The following SLC39A11 variants were observed in gnomAD, a reference collection of about 807,000 sequenced individuals.
The protein encoded by SLC39A11 is solute carrier family 39 member 11.
Under a neutral mutation model 36.1 loss-of-function variants are expected in SLC39A11, and 33 were observed. The ratio of observed to expected loss-of-function variants is 0.91; its 90% CI spans 0.69 to 1.22. The LOEUF (loss-of-function observed/expected upper bound fraction) is 1.22, where lower values mean the gene tolerates loss of function less well. SLC39A11 is among the 50% of genes most tolerant of loss of function. The probability of loss-of-function intolerance (pLI) is 0.00; values close to 1 mark genes in which losing one functional copy is unlikely to be tolerated. For synonymous variants in SLC39A11, 166 were observed against 170.3 expected, an observed-to-expected ratio of 0.97 and a Z score of 0.20; for missense variants, 432 against 430.3, an observed-to-expected ratio of 1.00 and a Z score of -0.03.
intron 5 of SLC39A11, among the ~76,000 whole-genome samples, chr17:72,919,585 T>C (rs1475464297): frequency 7.0e-6 from 1 of 142,068 alleles, no homozygotes; most frequent in Non-Finnish European, 1.5e-5. Flanking sequence ...GGCAGGAGAA[T>C]GGCGAGAACC....
chr17:72,988,195 G>A (rs998919655), intron 4 of SLC39A11, among the ~76,000 whole-genome samples: 1 of 152,228 alleles, frequency 6.6e-6, no homozygotes, highest in Middle Eastern at 3.2e-3. Flanking sequence ...GCTCACGCCT[G>A]TAATCCCAAC....
intron 7 of SLC39A11, among the ~76,000 whole-genome samples, chr17:72,736,101 A>G (rs1379989075): frequency 6.6e-6 from 1 of 152,204 alleles, no homozygotes; most frequent in African/African-American, 2.4e-5. Context: ...ACACATGGAA[A>G]ATAAAGTCAC....
intron 4 of SLC39A11, among the ~76,000 whole-genome samples, chr17:72,980,447 G>A (rs550482624): frequency 4.6e-5 from 7 of 152,220 alleles, no homozygotes; most frequent in African/African-American, 1.4e-4. Flanking sequence ...AGGCAGAAAC[G>A]CTCATCGTCA....
chr17:72,813,201 C>A (rs1174871502), intron 6 of SLC39A11, among the ~76,000 whole-genome samples: 1 of 152,186 alleles, frequency 6.6e-6, no homozygotes, highest in Admixed American at 6.5e-5. Flanking sequence ...TGAAAAACTT[C>A]TTCATATGCT....
intron 5 of SLC39A11, among the ~76,000 whole-genome samples, chr17:72,899,033 G>A (rs993593017): frequency 1.6e-4 from 18 of 114,888 alleles, no homozygotes; most frequent in Non-Finnish European, 2.2e-4. Flanking sequence ...TAATTCGGCT[G>A]CACTCTCCTA....
chr17:72,830,101 A>C (rs923645085), intron 6 of SLC39A11, among the ~76,000 whole-genome samples: 2 of 152,214 alleles, frequency 1.3e-5, no homozygotes, highest in Non-Finnish European at 2.9e-5. Context: ...AGACATGCAC[A>C]CATGCATACA....
chr17:72,821,374 T>C (rs183897682), intron 6 of SLC39A11, among the ~76,000 whole-genome samples: 4 of 150,038 alleles, frequency 2.7e-5, no homozygotes, highest in Non-Finnish European at 6.0e-5. Flanking sequence ...GGCATGGTGA[T>C]GCACACCTGT....
At chr17:72,783,415 G>A (rs2076393601) in intron 6 of SLC39A11, among the ~76,000 whole-genome samples, 1 of 152,200 alleles carries the variant, frequency 6.6e-6, no homozygotes, top group Non-Finnish European at 1.5e-5. Context: ...CACCAGCCAG[G>A]ACCTCCCTTC....
intron 4 of SLC39A11, among the ~76,000 whole-genome samples, chr17:72,974,370 G>A (rs960440401): frequency 3.4e-5 from 5 of 147,688 alleles, no homozygotes; most frequent in African/African-American, 1.2e-4. Flanking sequence ...AAAGTGCTGG[G>A]ATTACAGGTG....
Position 73,068,051 on chromosome 17 carries a change from G to A in SLC39A11, c.147+16757C>T, listed in dbSNP as rs115336622. On this transcript the variant is annotated intron_variant, in intron 3 of 9. Transcript: ENST00000255559. ...GATGAAGTCAATGAGTCCTTGGATG[G>A]TTCATGTTCGCTCTACTGCCCACTT... 4.5e-4 allele frequency: 700 copies of A among 1,570,594 alleles called. 4 individuals carry two copies. In the African/African-American group the frequency reaches 8.3e-3, roughly 19 times the overall value.
intron 5 of SLC39A11, among the ~76,000 whole-genome samples, chr17:72,915,149 G>C (rs1430872374): frequency 6.6e-6 from 1 of 152,114 alleles, no homozygotes; most frequent in Non-Finnish European, 1.5e-5. Context: ...CCCAGGGGGA[G>C]ACTGCCTGTC....
At chr17:73,080,121 A>C (rs746472117) in intron 3 of SLC39A11, among the ~76,000 whole-genome samples, 15 of 152,224 alleles carry the variant, frequency 9.9e-5, no homozygotes, top group Non-Finnish European at 2.2e-4. Flanking sequence ...TTCTTCACAG[A>C]ACTAGAAAAA....
chr17:73,080,666 C>T (rs971532012), intron 3 of SLC39A11, among the ~76,000 whole-genome samples: 1 of 152,166 alleles, frequency 6.6e-6, no homozygotes, highest in African/African-American at 2.4e-5. Flanking sequence ...TTCTGTAGGT[C>T]AGGCACAGTG....
intron 5 of SLC39A11, among the ~76,000 whole-genome samples, chr17:72,927,565 T>C (rs953685492): frequency 1.3e-5 from 2 of 152,178 alleles, no homozygotes; most frequent in East Asian, 3.8e-4. Context: ...CTGGAGTATC[T>C]CAAATATTTC....
chr17:72,775,636 A>G (rs1008666752), intron 6 of SLC39A11, among the ~76,000 whole-genome samples: 13 of 152,232 alleles, frequency 8.5e-5, no homozygotes, highest in African/African-American at 3.1e-4. Context: ...GCCAGGCTAC[A>G]AGGCACTAGC....
chr17:72,879,354 C>T (rs2081079591), intron 5 of SLC39A11, among the ~76,000 whole-genome samples: 1 of 152,204 alleles, frequency 6.6e-6, no homozygotes, highest in African/African-American at 2.4e-5. Context: ...ATCTCGCTTC[C>T]ATACAAAAGA....
chr17:72,684,469 G>C (rs879395895), intron 7 of SLC39A11, among the ~76,000 whole-genome samples: 1 of 152,176 alleles, frequency 6.6e-6, no homozygotes, highest in Non-Finnish European at 1.5e-5. Flanking sequence ...CCAGGTTTGG[G>C]CAGGCGTGCC....
chr17:72,825,849 G>C (rs780077549), intron 6 of SLC39A11, among the ~76,000 whole-genome samples: 10 of 152,212 alleles, frequency 6.6e-5, no homozygotes, highest in Non-Finnish European at 1.3e-4. Flanking sequence ...GCCAATGCCT[G>C]TACCATCACT....
chr17:73,031,196 G>A (rs536449646), intron 4 of SLC39A11, among the ~76,000 whole-genome samples: 5 of 151,702 alleles, frequency 3.3e-5, no homozygotes, highest in African/African-American at 9.7e-5. Flanking sequence ...GGGGTGGGGC[G>A]GGAGTATCAT....
Sources: gnomAD v4.1 joint callset for allele counts (sites outside exome capture counted in the v4.1 genomes callset) on GRCh38, gnomAD v4.1.1 for gene constraint, MANE v1.5 for transcripts, NCBI Gene and HGNC (gene_info 2026-07-23, HGNC 2026-07-21) for gene names.